Variants in SPAM1 observed in about 807,000 individuals in gnomAD.
The protein encoded by SPAM1 is sperm adhesion molecule 1.
A neutral mutation model predicts 29.6 loss-of-function variants in SPAM1; 22 were observed. The observed-to-expected ratio is 0.74, with a 90% CI of 0.53 to 1.06. SPAM1 has a LOEUF of 1.06. SPAM1 is among the 50% of genes least tolerant of loss of function. The probability of loss-of-function intolerance (pLI) is 0.00; values close to 1 mark genes in which losing one functional copy is unlikely to be tolerated. For synonymous variants in SPAM1, 194 were observed against 204.6 expected (o/e 0.95, Z 0.44); for missense variants, 534 against 604.0 (o/e 0.88, Z 1.21).
chr7:123,957,717 A>G (rs1792278027), intron 4 of SPAM1, among the ~76,000 whole-genome samples: 1 of 152,026 alleles, frequency 6.6e-6, no homozygotes, highest in East Asian at 1.9e-4. Context: ...AGGAGAAGAT[A>G]CTTTCTCATT....
chr7:123,964,349 A>G (rs1792396159), downstream of SPAM1, among the ~76,000 whole-genome samples: 1 of 151,928 alleles, frequency 6.6e-6, no homozygotes, highest in Non-Finnish European at 1.5e-5. Flanking sequence ...TAGGTGGAAT[A>G]CATAATTTTT....
rs187234964 is a variant in SPAM1, at chr7:123,953,258, T to A, written c.-206-107T>A. ...AAACACAGGAGTAGATCCTCCATCT[T>A]CTAAAATGAAATTAAACCCCCTGCA... On this transcript the variant is annotated intron_variant, in intron 2 of 4. Transcript: ENST00000682466. The A allele has an allele frequency of 2.4e-4, 59 of 245,890 alleles. No individual in the cohort carries two copies. In the East Asian group the frequency reaches 4.9e-3, roughly 21 times the overall value. 15.2% of individuals were successfully genotyped at this position (245,890 alleles called of 1,614,324 possible).
intron 5 of SPAM1, among the ~76,000 whole-genome samples, chr7:123,965,933 TA>T (rs953695555): frequency 1.3e-4 from 20 of 151,982 alleles, no homozygotes; most frequent in African/African-American, 4.3e-4. Flanking sequence ...GCGATCTAAT[TA>T]AACTAAAGAG....
intron 1 of SPAM1, among the ~76,000 whole-genome samples, chr7:123,946,821 G>A (rs1208762044): frequency 1.3e-5 from 2 of 152,112 alleles, no homozygotes; most frequent in Non-Finnish European, 2.9e-5. Flanking sequence ...AATCAGATAC[G>A]CATGTCTCAG....
intron 1 of SPAM1, among the ~76,000 whole-genome samples, chr7:123,927,711 A>G (rs1807934614): frequency 6.6e-6 from 1 of 152,172 alleles, no homozygotes; most frequent in South Asian, 2.1e-4. Flanking sequence ...TAGTTTGGTT[A>G]TAAAGAAAGA....
chr7:123,934,084 A>G (rs1386452987), intron 1 of SPAM1, among the ~76,000 whole-genome samples: 1 of 152,206 alleles, frequency 6.6e-6, no homozygotes, highest in East Asian at 1.9e-4. Flanking sequence ...TCTAGGAACA[A>G]TAAGTTATAC....
intron 1 of SPAM1, among the ~76,000 whole-genome samples, chr7:123,926,584 G>A (rs777135977): frequency 2.0e-5 from 3 of 152,164 alleles, no homozygotes; most frequent in Non-Finnish European, 4.4e-5. Flanking sequence ...GAGAACATGT[G>A]TCCAAGGTGG....
chr7:123,948,580 G>A (rs1808662276), intron 1 of SPAM1, among the ~76,000 whole-genome samples: 1 of 152,040 alleles, frequency 6.6e-6, no homozygotes, highest in South Asian at 2.1e-4. Context: ...AGACTGAGGA[G>A]GTGCCTTGTG....
intron 1 of SPAM1, among the ~76,000 whole-genome samples, chr7:123,930,917 C>T (rs933898354): frequency 2.0e-5 from 3 of 152,136 alleles, no homozygotes; most frequent in Admixed American, 1.3e-4. Context: ...AGGGATGGGT[C>T]AGGGGTTCAG....
chr7:123,952,823 T>G (rs1189599439), intron 2 of SPAM1, among the ~76,000 whole-genome samples: 2 of 151,826 alleles, frequency 1.3e-5, no homozygotes, highest in African/African-American at 4.8e-5. Flanking sequence ...TAGAAGTTTT[T>G]GGTTGATTCA....
intron 2 of SPAM1, among the ~76,000 whole-genome samples, chr7:123,951,032 C>T (rs930461242): frequency 2.6e-5 from 4 of 152,034 alleles, no homozygotes; most frequent in African/African-American, 9.7e-5. Flanking sequence ...TTTTCTCATA[C>T]ATTTATTGGC....
At chr7:123,946,208 G>T (rs776224985) in intron 1 of SPAM1, among the ~76,000 whole-genome samples, 6 of 152,152 alleles carry the variant, frequency 3.9e-5, no homozygotes, top group Non-Finnish European at 5.9e-5. Flanking sequence ...AGAAAAACTT[G>T]CCTTCCTTGT....
chr7:123,964,078 AT>A (rs1792392972), downstream of SPAM1, among the ~76,000 whole-genome samples: 2 of 152,006 alleles, frequency 1.3e-5, no homozygotes, highest in East Asian at 1.9e-4. Flanking sequence ...TATTTATAAC[AT>A]CTTTAATTTG....
At chr7:123,967,384 A>T (rs369566593) in intron 5 of SPAM1, among the ~76,000 whole-genome samples, 4 of 152,072 alleles carry the variant, frequency 2.6e-5, no homozygotes, top group African/African-American at 9.7e-5. Flanking sequence ...TAATTTTAAA[A>T]ATGTACTTAT....
downstream of SPAM1, among the ~76,000 whole-genome samples, chr7:123,960,544 G>A (rs1378377857): frequency 6.6e-6 from 1 of 151,888 alleles, no homozygotes; most frequent in East Asian, 1.9e-4. Context: ...ACTCTAATTT[G>A]CACAGGATCG....
At chr7:123,953,180 T>C (rs544221660) in intron 2 of SPAM1, among the ~76,000 whole-genome samples, 185 bp from the exon 3 acceptor site, 18 of 152,184 alleles carry the variant, frequency 1.2e-4, no homozygotes, top group Admixed American at 1.2e-3. Flanking sequence ...GAGAAAAATG[T>C]TAACTAGTAT....
At position 123,959,582 on chromosome 7, in the gene SPAM1, C is replaced by T. The variant is rs745760367; in HGVS notation, c.1143C>T (p.Cys381=). The T allele has an allele frequency of 1.2e-6, 2 of 1,612,994 alleles. No homozygotes were observed. The highest frequency in any genetic ancestry group is 2.2e-5 in the East Asian group (1 of 44,834). The change falls in exon 5 of 5, where the codon TGC becomes TGT. Residue 381 remains cysteine (C), a synonymous_variant. Coordinates refer to ENST00000682466, the MANE Select transcript of SPAM1 (RefSeq NM_153189.3). ...LAAKMCSQVL[C]QEQGVCIRKN... is the part of the protein sequence containing the mutation. ...CCAAAATGTGTAGCCAAGTGCTTTG[C>T]CAGGAGCAAGGAGTGTGTATAAGGA... is the stretch of plus-strand genomic sequence containing the variant.
At chr7:123,933,079 G>A (rs1563021412) in intron 1 of SPAM1, among the ~76,000 whole-genome samples, 2 of 150,366 alleles carry the variant, frequency 1.3e-5, no homozygotes, top group Admixed American at 6.6e-5. Flanking sequence ...TTTACTTTAA[G>A]TTCCAGGATA....
At chr7:123,938,728 C>T (rs1328901722) in intron 1 of SPAM1, among the ~76,000 whole-genome samples, 2 of 152,164 alleles carry the variant, frequency 1.3e-5, no homozygotes, top group African/African-American at 4.8e-5. Context: ...AGAAGAGAAA[C>T]ACTGGTTATT....
Sources: allele counts gnomAD v4.1 joint callset (sites outside exome capture counted in the v4.1 genomes callset), GRCh38; gene constraint gnomAD v4.1.1; transcripts MANE v1.5; gene names NCBI Gene and HGNC (gene_info 2026-07-23, HGNC 2026-07-21).